Variants in CTDSPL observed in about 807,000 individuals in gnomAD.
CTDSPL encodes CTD small phosphatase like.
A neutral mutation model predicts 30.5 loss-of-function variants in CTDSPL; 8 were observed. The observed-to-expected ratio is 0.26, with a 90% confidence interval of 0.15 to 0.47. CTDSPL has a LOEUF of 0.47. Ranked by LOEUF, CTDSPL falls within the 20% of genes least tolerant of loss-of-function variation. The pLI, the probability that CTDSPL is intolerant of heterozygous loss-of-function variation, is 0.99. For missense variants in CTDSPL, 248 were observed against 366.1 expected (o/e 0.68, Z 2.63); for synonymous variants, 110 against 137.9 (o/e 0.80, Z 1.42).
intron 2 of CTDSPL, chr3:37,954,976 TGG>T (rs1699154543): frequency 6.6e-6 from 1 of 152,222 alleles, no homozygotes; most frequent in Non-Finnish European, 1.5e-5. Context: ...TTGCTCATAG[TGG>T]GCATTTTTTC....
chr3:37,905,745 G>A (rs537523097), intron 1 of CTDSPL, among the ~76,000 whole-genome samples: 1 of 152,238 alleles, frequency 6.6e-6, no homozygotes, highest in Non-Finnish European at 1.5e-5. Flanking sequence ...CATGTCCAAG[G>A]TGTAACACAC....
chr3:37,874,204 C>G (rs1698107504), intron 1 of CTDSPL, among the ~76,000 whole-genome samples: 2 of 152,238 alleles, frequency 1.3e-5, no homozygotes, highest in African/African-American at 4.8e-5. Context: ...CTGTACTTAA[C>G]TGTAGCATCC....
chr3:37,975,659 TGG>T lies in CTDSPL; in HGVS notation c.520-45_520-44del. On this transcript the variant is annotated intron_variant, in intron 6 of 7. Transcript: ENST00000273179. The surrounding 1 kb of genome is among the most constrained non-coding windows in gnomAD (Gnocchi z 4.9). ...GATCTTGCTGCTGTAGTTCAGGGTT[TGG>T]GGGGCTCTTTTAAACACCCAGCCTT... 6.6e-7 allele frequency: 1 copy of T among 1,523,800 alleles called. No homozygotes were observed. The highest frequency in any genetic ancestry group is 8.9e-7 in the Non-Finnish European group (1 of 1,121,528). The allele number at this position is 1,523,800 out of a possible 1,614,324, so 94.4% of individuals were successfully genotyped here.
At chr3:37,968,276 C>T (rs779032514) in intron 5 of CTDSPL, 11 of 457,174 alleles carry the variant, frequency 2.4e-5, no homozygotes, top group South Asian at 9.4e-5. Flanking sequence ...AAAAAGTGTC[C>T]ATTTTCAATG....
intron 1 of CTDSPL, among the ~76,000 whole-genome samples, chr3:37,874,145 CT>C (rs1256537979): frequency 1.3e-5 from 2 of 152,162 alleles, no homozygotes; most frequent in African/African-American, 2.4e-5. Context: ...TGCTTCCAGT[CT>C]GGGCTACCCT....
At chr3:37,884,765 T>C (rs1559624290) in intron 1 of CTDSPL, among the ~76,000 whole-genome samples, 1 of 151,224 alleles carries the variant, frequency 6.6e-6, no homozygotes, top group Non-Finnish European at 1.5e-5. Context: ...ATTGAAGATA[T>C]GGAGAAGTTC....
chr3:37,897,337 A>C (rs1698400653), intron 1 of CTDSPL, among the ~76,000 whole-genome samples: 1 of 152,192 alleles, frequency 6.6e-6, no homozygotes, highest in African/African-American at 2.4e-5. Context: ...AAGACCTAGT[A>C]GTTCTGCACA....
At chr3:37,864,409 T>C (rs1575272089) in intron 1 of CTDSPL, among the ~76,000 whole-genome samples, 1 of 152,360 alleles carries the variant, frequency 6.6e-6, no homozygotes, top group Middle Eastern at 3.4e-3. Flanking sequence ...TGACAATCTT[T>C]TATTATCTTT....
intron 1 of CTDSPL, among the ~76,000 whole-genome samples, chr3:37,936,466 G>A (rs1698916644): frequency 1.3e-5 from 2 of 151,880 alleles, no homozygotes; most frequent in Non-Finnish European, 2.9e-5. Context: ...TGTGTTTGTT[G>A]ACCACTCTTT....
chr3:37,913,595 C>A (rs56021928), intron 1 of CTDSPL, among the ~76,000 whole-genome samples: 2,192 of 152,196 alleles, frequency 0.014, 25 homozygotes, highest in Middle Eastern at 0.024. Context: ...GACCTGCAGT[C>A]TGGAAGGATT....
intron 1 of CTDSPL, among the ~76,000 whole-genome samples, chr3:37,902,398 G>A (rs1390226040): frequency 6.6e-6 from 1 of 152,130 alleles, no homozygotes; most frequent in African/African-American, 2.4e-5. Flanking sequence ...TAAGGACATA[G>A]GGAAACTTGG....
chr3:37,920,048 A>G (rs1698695649), intron 1 of CTDSPL, among the ~76,000 whole-genome samples: 1 of 152,022 alleles, frequency 6.6e-6, no homozygotes, highest in Admixed American at 6.5e-5. Flanking sequence ...AAACAATACA[A>G]ATTTATTCTC....
intron 1 of CTDSPL, among the ~76,000 whole-genome samples, chr3:37,935,770 T>A (rs1323692594): frequency 6.6e-6 from 1 of 152,166 alleles, no homozygotes; most frequent in Non-Finnish European, 1.5e-5. Flanking sequence ...GCAGGCAGCA[T>A]TGGGCCTCAG....
At chr3:37,894,207 G>A (rs904709198) in intron 1 of CTDSPL, among the ~76,000 whole-genome samples, 1 of 151,978 alleles carries the variant, frequency 6.6e-6, no homozygotes, top group Non-Finnish European at 1.5e-5. Context: ...TCAGCCTCTC[G>A]AGTAGCTCGG....
chr3:37,890,951 C>T (rs1698318498), intron 1 of CTDSPL, among the ~76,000 whole-genome samples: 1 of 152,228 alleles, frequency 6.6e-6, no homozygotes, highest in Non-Finnish European at 1.5e-5. Flanking sequence ...CTGAAATCCA[C>T]TCACCAGCGG....
In CTDSPL at chr3:37,932,795, T is replaced by G. The variant is rs114745122; in HGVS notation, c.80-14262T>G. Among the ~76,000 whole-genome samples, 934 of 152,280 alleles carry G rather than the reference T, an allele frequency of 6.1e-3. 3 individuals are homozygous for G. Among genetic ancestry groups the G allele is most frequent in the Non-Finnish European group, 9.9e-3 (675 of 68,018 alleles). On this transcript the variant is annotated intron_variant, in intron 1 of 7. Transcript: ENST00000273179. ...AAGAGGCTTGACATTTTTTCAGACT[T>G]TGGTCCCAGCCATTACATGTCTAGA...
Position 37,947,166 on chromosome 3 carries a change from C to T in CTDSPL, c.189C>T (p.Pro63=). 6.2e-7 allele frequency: 1 copy of T among 1,612,822 alleles called. No individual in the cohort carries two copies. ...YNVEAPPPSS[P]SVLPPLVEEN... is the part of the protein sequence containing the mutation. ...TGGAGGCCCCTCCACCCAGCAGCCC[C>T]AGTGTGCTTCCGCCACTGGTGGAGG... The change falls in exon 2 of 8, where the codon CCC becomes CCT. Residue 63 remains proline, a synonymous_variant. Transcript: ENST00000273179.
intron 1 of CTDSPL, among the ~76,000 whole-genome samples, chr3:37,935,469 G>A (rs1698904453): frequency 6.6e-6 from 1 of 152,126 alleles, no homozygotes; most frequent in African/African-American, 2.4e-5. Context: ...AACAGACTCT[G>A]TGCAGTGATG....
chr3:37,889,820 T>C (rs551667486), intron 1 of CTDSPL, among the ~76,000 whole-genome samples: 1 of 152,324 alleles, frequency 6.6e-6, no homozygotes, highest in East Asian at 1.9e-4. Context: ...ACATCAATAC[T>C]GAAAGCTAGA....
Sources: gnomAD v4.1 joint callset for allele counts (sites outside exome capture counted in the v4.1 genomes callset) on GRCh38, gnomAD v4.1.1 for gene constraint, Gnocchi (gnomAD v3.1) non-coding constraint, MANE v1.5 for transcripts, NCBI Gene and HGNC (gene_info 2026-07-23, HGNC 2026-07-21) for gene names.